PCDHGA9: variants seen among roughly 807,000 people sequenced by gnomAD.
PCDHGA9 encodes protocadherin gamma subfamily A, 9.
In PCDHGA9, 37 loss-of-function variants were observed where a neutral mutation model predicts 62.5. The ratio of observed to expected loss-of-function variants is 0.59; its 90% CI spans 0.46 to 0.78. The LOEUF (loss-of-function observed/expected upper bound fraction) is 0.78. PCDHGA9 is among the 30% of genes least tolerant of loss of function. The probability of loss-of-function intolerance (pLI) is 0.00; values close to 1 mark genes in which losing one functional copy is unlikely to be tolerated. For missense variants in PCDHGA9, 1,138 were observed against 1,166.2 expected, an observed-to-expected ratio of 0.98 and a Z score of 0.35; for synonymous variants, 459 against 484.6, an observed-to-expected ratio of 0.95 and a Z score of 0.69.
chr5:141,407,954 G>A, intron 1 of PCDHGA9: 1 of 640,866 alleles, frequency 1.6e-6, no homozygotes, highest in East Asian at 3.0e-5. Flanking sequence ...GTCGGCCAGT[G>A]CAGAGCAAGC....
At chr5:141,418,742 G>T (rs1351760637) in intron 1 of PCDHGA9, 6 of 1,613,778 alleles carry the variant, frequency 3.7e-6, no homozygotes, top group South Asian at 1.1e-5. Context: ...GTTCTCTCTG[G>T]ATTACACTAC....
intron 1 of PCDHGA9, chr5:141,408,693 T>C (rs1561714723): frequency 6.2e-6 from 10 of 1,613,768 alleles, no homozygotes; most frequent in Non-Finnish European, 8.5e-6. Flanking sequence ...GATATAAACA[T>C]AAACTCAATT....
intron 1 of PCDHGA9, among the ~76,000 whole-genome samples, chr5:141,443,323 A>AG (rs1262238603): frequency 1.3e-5 from 2 of 151,732 alleles, no homozygotes; most frequent in African/African-American, 4.9e-5. Context: ...TCTACAAAAA[A>AG]AAAAAACAAA....
chr5:141,457,118 A>G (rs1427146922), intron 1 of PCDHGA9, among the ~76,000 whole-genome samples: 3 of 152,228 alleles, frequency 2.0e-5, no homozygotes, highest in Non-Finnish European at 4.4e-5. Context: ...TACGACAGCA[A>G]TGGAAACTCT....
chr5:141,409,828 C>T (rs2154542180), intron 1 of PCDHGA9: 1 of 1,611,128 alleles, frequency 6.2e-7, no homozygotes, highest in Non-Finnish European at 8.5e-7. Flanking sequence ...CGCCCACGCT[C>T]AGCGCCAACG....
At chr5:141,414,773 A>G in intron 1 of PCDHGA9, 1 of 1,614,204 alleles carries the variant, frequency 6.2e-7, no homozygotes, top group Non-Finnish European at 8.5e-7. Flanking sequence ...CATGAGCTAC[A>G]GATGCAGGTG....
intron 1 of PCDHGA9, chr5:141,413,123 AAACACAC>A (rs2095606041): frequency 2.0e-6 from 3 of 1,526,818 alleles, no homozygotes; most frequent in Middle Eastern, 3.6e-4. Context: ...GAACCGGTTG[AAACACAC>A]AACGTGTCCA....
intron 1 of PCDHGA9, chr5:141,427,868 C>T (rs1311930991): frequency 4.5e-6 from 7 of 1,559,298 alleles, no homozygotes; most frequent in African/African-American, 2.7e-5. Context: ...CCTTCGAGCT[C>T]ACGATGCAGG....
chr5:141,451,095 T>G (rs1158753327), intron 1 of PCDHGA9, among the ~76,000 whole-genome samples: 2 of 152,180 alleles, frequency 1.3e-5, no homozygotes, highest in African/African-American at 4.8e-5. Context: ...CCCAAAGTGT[T>G]GGGATTACAG....
rs116716465 is a variant in PCDHGA9, at chr5:141,484,286, C to T, written c.2425-10521C>T. ...GATTCTTTACTGTTTTGAAACATCTCCCTCTCCTGGCTTCCTCCACCCCGC... is the reference window on the plus strand; with the variant it reads ...GATTCTTTACTGTTTTGAAACATCTTCCTCTCCTGGCTTCCTCCACCCCGC... On this transcript the variant is annotated intron_variant, in intron 1 of 3. Coordinates refer to ENST00000573521, the MANE Select transcript of PCDHGA9 (RefSeq NM_018921.3). 8.3e-3 allele frequency among the ~76,000 whole-genome samples: 1,266 copies of T among 152,294 alleles called. 10 individuals carry two copies. The highest frequency in any genetic ancestry group is 0.014 in the Non-Finnish European group (936 of 68,022).
At chr5:141,422,074 C>A (rs886758924) in intron 1 of PCDHGA9, 1 of 1,612,264 alleles carries the variant, frequency 6.2e-7, no homozygotes, top group African/African-American at 1.3e-5. Flanking sequence ...GTATTCATTT[C>A]GGAACATGGA....
In PCDHGA9 at chr5:141,489,504, A is replaced by G. The variant is rs148241772; in HGVS notation, c.2425-5303A>G. 193 of 1,614,016 alleles carry G rather than the reference A, an allele frequency of 1.2e-4. No individual in the cohort carries two copies. Among genetic ancestry groups the G allele is most frequent in the Non-Finnish European group, 1.6e-4 (184 of 1,180,046 alleles). On this transcript the variant is annotated intron_variant, in intron 1 of 3. Transcript: ENST00000573521. The surrounding 1 kb of genome is among the most constrained non-coding windows in gnomAD (Gnocchi z 4.5). ...TGAGTGGTGCCCTGGCAGTGAATCA[A>G]AAGATTGACCGAGAAAGCCTATGTG...
chr5:141,426,629 T>G (rs1384012221), intron 1 of PCDHGA9: 4 of 397,284 alleles, frequency 1.0e-5, no homozygotes, highest in South Asian at 7.2e-5. Context: ...CTCTAAATGT[T>G]TTTCACATAA....
intron 2 of PCDHGA9, 142 bp downstream of exon 2, chr5:141,495,007 G>C (rs2099758216): frequency 2.0e-6 from 3 of 1,522,276 alleles, no homozygotes; most frequent in Non-Finnish European, 8.8e-7. Flanking sequence ...TTGGTGTGCG[G>C]GGGGCTGGCA....
At position 141,486,720 on chromosome 5, in the gene PCDHGA9, C is replaced by G; in HGVS notation, c.2425-8087C>G. ...ATCTCTCTGAACCCCCAGACAGGAG[C>G]TGTTCATGCTACTCGATCCTTTGAC... On this transcript the variant is annotated intron_variant, in intron 1 of 3. Coordinates refer to ENST00000573521, the MANE Select transcript of PCDHGA9 (RefSeq NM_018921.3). This position sits in a 1 kb window ranked among gnomAD's most constrained non-coding sequence, Gnocchi z 5.0. The G allele has an allele frequency of 6.2e-7, 1 of 1,614,216 alleles. No homozygotes were observed. Among genetic ancestry groups the G allele is most frequent in the Non-Finnish European group, 8.5e-7 (1 of 1,180,038 alleles).
intron 1 of PCDHGA9, chr5:141,478,798 T>G: frequency 6.8e-7 from 1 of 1,463,780 alleles, no homozygotes. Flanking sequence ...TCCTCAGCAC[T>G]CTTTTGCTAT....
At chr5:141,451,124 A>T (rs2098707796) in intron 1 of PCDHGA9, among the ~76,000 whole-genome samples, 1 of 152,102 alleles carries the variant, frequency 6.6e-6, no homozygotes, top group Non-Finnish European at 1.5e-5. Context: ...CACCACACCC[A>T]GCCTTATGAT....
At chr5:141,481,607 C>A (rs2099540195) in intron 1 of PCDHGA9, among the ~76,000 whole-genome samples, 1 of 152,158 alleles carries the variant, frequency 6.6e-6, no homozygotes, top group Admixed American at 6.5e-5. Flanking sequence ...CACCTGAGGC[C>A]AGGAGTTCAA....
Position 141,490,975 on chromosome 5 carries a change from C to T in PCDHGA9, c.2425-3832C>T. 1 of 1,614,056 alleles carries T rather than the reference C, an allele frequency of 6.2e-7. No individual in the cohort carries two copies. Among genetic ancestry groups the T allele is most frequent in the African/African-American group, 1.3e-5 (1 of 75,070 alleles). ...CTGGGAACACTCAGCCCCCCAGCGT[C>T]TCCCTCGCTCTGCTCCTCCTGGCTC... On this transcript the variant is annotated intron_variant, in intron 1 of 3. Coordinates refer to ENST00000573521, the MANE Select transcript of PCDHGA9 (RefSeq NM_018921.3). This position sits in a 1 kb window ranked among gnomAD's most constrained non-coding sequence, Gnocchi z 5.4.
Sources: allele counts gnomAD v4.1 joint callset (sites outside exome capture counted in the v4.1 genomes callset), GRCh38; gene constraint gnomAD v4.1.1; non-coding constraint Gnocchi (gnomAD v3.1); transcripts MANE v1.5; gene names NCBI Gene and HGNC (gene_info 2026-07-23, HGNC 2026-07-21).